The following PGAM1 variants were observed in gnomAD, a reference collection of about 807,000 sequenced individuals.
The protein encoded by PGAM1 is BPG-dependent PGAM 1.
Under a neutral mutation model 23.5 loss-of-function variants are expected in PGAM1, and 21 were observed. The ratio of observed to expected loss-of-function variants is 0.89; its 90% CI spans 0.63 to 1.29. The LOEUF is 1.29. Ranked by LOEUF, PGAM1 falls within the 50% of genes most tolerant of loss-of-function variation. PGAM1 has a pLI of 0.00. For synonymous variants in PGAM1, 109 were observed against 128.6 expected (o/e 0.85, Z 1.03); for missense variants, 232 against 336.3 (o/e 0.69, Z 2.42).
At chr10:97,427,854 C>T (rs1380511444) in intron 1 of PGAM1, 1 of 1,289,376 alleles carries the variant, frequency 7.8e-7, no homozygotes, top group South Asian at 1.2e-5. Context: ...AGGTATTTGG[C>T]CTCAGATTGC....
At chr10:97,427,395 T>C (rs1210736854) in intron 1 of PGAM1, 1 of 1,005,182 alleles carries the variant, frequency 9.9e-7, no homozygotes. Flanking sequence ...AGTGAATGAA[T>C]GAATGATTCG....
intron 1 of PGAM1, among the ~76,000 whole-genome samples, chr10:97,428,848 C>A (rs1845438841): frequency 6.6e-6 from 1 of 152,110 alleles, no homozygotes; most frequent in African/African-American, 2.4e-5. Flanking sequence ...AGAATGAGTT[C>A]TTCTTGGCCT....
chr10:97,432,391 C>A lies in PGAM1; in HGVS notation c.632C>A (p.Pro211Gln). The A allele has an allele frequency of 6.2e-7, 1 of 1,611,948 alleles. No individual in the cohort carries two copies. ...SEEAIMELNL[P>Q]TGIPIVYELD... is the part of the protein sequence containing the mutation. ...GAGGCTATCATGGAGCTGAACCTGC[C>A]GACTGGTATTCCCATTGTCTATGAA... Residue 211 changes from proline to glutamine, a missense_variant, in exon 4 of 4, where the codon CCG becomes CAG. Around this residue, in one of 3 missense-constraint regions of PGAM1, gnomAD observed 191 missense variants for 241.7 expected, o/e 0.79. Coordinates refer to ENST00000334828, the MANE Select transcript of PGAM1 (RefSeq NM_002629.4).
intron 3 of PGAM1, among the ~76,000 whole-genome samples, chr10:97,432,130 T>A (rs1589457271): frequency 6.6e-6 from 1 of 152,172 alleles, no homozygotes; most frequent in East Asian, 1.9e-4. Context: ...CTTGCTGTAG[T>A]TTGTTGGTGG....
intron 1 of PGAM1, among the ~76,000 whole-genome samples, chr10:97,428,419 C>T (rs1399062589): frequency 6.6e-6 from 1 of 152,182 alleles, no homozygotes; most frequent in Non-Finnish European, 1.5e-5. Flanking sequence ...ATGGAGTCCA[C>T]ACCACACTGT....
At chr10:97,428,522 T>A (rs1430649484) in intron 1 of PGAM1, among the ~76,000 whole-genome samples, 2 of 152,176 alleles carry the variant, frequency 1.3e-5, no homozygotes, top group Non-Finnish European at 2.9e-5. Flanking sequence ...TCAGGTTCTC[T>A]GTTAAGAATC....
At chr10:97,427,510 C>T in intron 1 of PGAM1, 3 of 1,046,704 alleles carry the variant, frequency 2.9e-6, no homozygotes, top group Non-Finnish European at 3.5e-6. Context: ...ATGACTTGTC[C>T]AAGGTCATAT....
chr10:97,430,006 A>G (rs536159769), intron 1 of PGAM1, among the ~76,000 whole-genome samples: 2 of 150,254 alleles, frequency 1.3e-5, no homozygotes, highest in Non-Finnish European at 3.0e-5. Flanking sequence ...AGACCACGCC[A>G]CTGCACTCCA....
rs754857630 is a variant in PGAM1 at position 97,432,568 on chromosome 10, C to T, written c.*44C>T. 1.8e-6 allele frequency: 2 copies of T among 1,107,736 alleles called. No homozygotes were observed. Among genetic ancestry groups the T allele is most frequent in the East Asian group, 4.9e-5 (2 of 40,592 alleles). The allele number at this position is 1,107,736 out of a possible 1,614,324, so 68.6% of individuals were successfully genotyped here. A position where few individuals can be genotyped will look rare whatever the true frequency, so the allele number is the denominator to read the frequency against. On this transcript the variant is annotated 3_prime_UTR_variant, in exon 4 of 4. Transcript: ENST00000334828. ...CTGTCCCCAGGAGCACCCTCCCTGCCCGTCTTGTCCCTCTGCCCCTCCCAC... is the reference window on the plus strand; with the variant it reads ...CTGTCCCCAGGAGCACCCTCCCTGCTCGTCTTGTCCCTCTGCCCCTCCCAC...
rs745869387 is a variant in PGAM1, at chr10:97,432,391, C to T, written c.632C>T (p.Pro211Leu). ...GAGGCTATCATGGAGCTGAACCTGC[C>T]GACTGGTATTCCCATTGTCTATGAA... Reference protein sequence around the residue: ...SEEAIMELNLPTGIPIVYELD... With the variant: ...SEEAIMELNLLTGIPIVYELD... The change falls in exon 4 of 4, where the codon CCG becomes CTG. Residue 211 changes from proline (P) to leucine (L), a missense_variant. Pro to Leu is a moderately conservative substitution (Grantham distance 98). Transcript: ENST00000334828. 13 of 1,611,830 alleles carry T rather than the reference C, an allele frequency of 8.1e-6. No homozygotes were observed. The highest frequency in any genetic ancestry group is 4.0e-5 in the African/African-American group (3 of 74,794).
At position 97,432,500 on chromosome 10, in the gene PGAM1, T is replaced by G. The variant is rs768503759; in HGVS notation, c.741T>G (p.Ala247=). 1.4e-5 allele frequency: 23 copies of G among 1,607,102 alleles called. No individual in the cohort carries two copies. In the Admixed American group the frequency reaches 3.3e-4, roughly 23 times the overall value. The change falls in exon 4 of 4, where the codon GCT becomes GCG. Residue 247 remains alanine, a synonymous_variant. Transcript: ENST00000334828. The part of the protein sequence containing the change: ...ETVRKAMEAV[A]AQGKAKK ...TGCGCAAAGCCATGGAAGCTGTGGC[T>G]GCCCAGGGCAAGGCCAAGAAGTGAA... is the stretch of plus-strand genomic sequence containing the variant.
chr10:97,429,440 A>G (rs183092699), intron 1 of PGAM1, among the ~76,000 whole-genome samples: 6 of 152,314 alleles, frequency 3.9e-5, no homozygotes, highest in Non-Finnish European at 7.4e-5. Context: ...TTGGGCCAAC[A>G]TAACTCTTGC....
chr10:97,426,271 C>G lies in PGAM1; in HGVS notation c.-37C>G. On this transcript the variant is annotated 5_prime_UTR_variant, in exon 1 of 4. Transcript: ENST00000334828. ...GGGCGGGCTGCTACTCCGGAATCTG[C>G]TAATCCCAGTCGGTGCCGCATCCCC... 1.2e-6 allele frequency: 2 copies of G among 1,609,780 alleles called. No individual in the cohort carries two copies. Among genetic ancestry groups the G allele is most frequent in the Non-Finnish European group, 1.7e-6 (2 of 1,179,106 alleles).
chr10:97,430,350 G>A (rs981185452), intron 1 of PGAM1, 29 bp from the exon 2 acceptor site: 1 of 1,611,684 alleles, frequency 6.2e-7, no homozygotes, highest in Non-Finnish European at 8.5e-7. Flanking sequence ...GACCTGGTTA[G>A]CTTATCACTT....
At chr10:97,427,353 TGTG>T in intron 1 of PGAM1, 1 of 992,802 alleles carries the variant, frequency 1.0e-6, no homozygotes, top group Non-Finnish European at 1.2e-6. Context: ...CCACAAATAG[TGTG>T]TCCAAAACGC....
chr10:97,430,043 CAA>C (rs71814636), intron 1 of PGAM1, among the ~76,000 whole-genome samples: 7,609 of 69,848 alleles, frequency 0.11, 273 homozygotes, highest in East Asian at 0.17. Flanking sequence ...GACTCCGTCT[CAA>C]AAAAAAAAAA....
At chr10:97,429,702 CAAATACAAAAACAAAATA>C (rs1845447646) in intron 1 of PGAM1, among the ~76,000 whole-genome samples, 1 of 151,912 alleles carries the variant, frequency 6.6e-6, no homozygotes, top group Non-Finnish European at 1.5e-5. Flanking sequence ...CAATTGCAAA[CAAATACAAAAACAAAATA>C]AAATTTCATA....
At chr10:97,430,903 T>G in intron 2 of PGAM1, 52 bp from the exon 3 acceptor site, 1 of 1,607,732 alleles carries the variant, frequency 6.2e-7, no homozygotes, top group Non-Finnish European at 8.5e-7. Flanking sequence ...ATGAAGTCTT[T>G]TAACAGATGT....
chr10:97,427,701 G>A (rs1437610476), intron 1 of PGAM1: 3 of 1,235,676 alleles, frequency 2.4e-6, no homozygotes, highest in Non-Finnish European at 3.1e-6. Context: ...ATGCTAATAA[G>A]GAAGCATTCC....
Sources: gnomAD v4.1 joint callset for allele counts (sites outside exome capture counted in the v4.1 genomes callset) on GRCh38, gnomAD v4.1.1 for gene constraint, gnomAD v4.1.1 regional missense constraint, MANE v1.5 for transcripts, NCBI Gene and HGNC (gene_info 2026-07-23, HGNC 2026-07-21) for gene names.